RBFOX3: variants seen among roughly 807,000 people sequenced by gnomAD.
RBFOX3 encodes RNA binding protein fox-1 homolog 3.
A neutral mutation model predicts 48.7 loss-of-function variants in RBFOX3; 17 were observed. The observed-to-expected ratio is 0.35, with a 90% CI of 0.24 to 0.52. The LOEUF (loss-of-function observed/expected upper bound fraction) is 0.52. RBFOX3 is among the 20% of genes least tolerant of loss of function. The pLI is 0.94. For synonymous variants in RBFOX3, 212 were observed against 209.5 expected (o/e 1.01, Z -0.10); for missense variants, 382 against 497.5 (o/e 0.77, Z 2.21).
chr17:79,433,234 A>G (rs1291204103), intron 2 of RBFOX3, among the ~76,000 whole-genome samples: 1 of 152,082 alleles, frequency 6.6e-6, no homozygotes, highest in Non-Finnish European at 1.5e-5. Flanking sequence ...ACCTTGGGAG[A>G]GGTCCCGCCC....
At chr17:79,181,001 C>T (rs1413475819) in intron 4 of RBFOX3, among the ~76,000 whole-genome samples, 2 of 152,162 alleles carry the variant, frequency 1.3e-5, no homozygotes, top group Non-Finnish European at 2.9e-5. Context: ...GGTGTCTTCC[C>T]CGTGGGTCAT....
chr17:79,398,936 G>C (rs936116502), intron 2 of RBFOX3, among the ~76,000 whole-genome samples: 1 of 152,220 alleles, frequency 6.6e-6, no homozygotes, highest in African/African-American at 2.4e-5. Context: ...ATGTAATCAG[G>C]TAAAGATGAG....
intron 1 of RBFOX3, among the ~76,000 whole-genome samples, chr17:79,540,144 C>T (rs2089461116): frequency 6.6e-6 from 1 of 152,222 alleles, no homozygotes; most frequent in South Asian, 2.1e-4. Context: ...CACACGCATG[C>T]ACACACACTC....
In RBFOX3 at chr17:79,111,037, G is replaced by C. The variant is rs758544291; in HGVS notation, c.223-4249C>G. On this transcript the variant is annotated intron_variant, in intron 5 of 14. Transcript: ENST00000693108. This position sits in a 1 kb window ranked among gnomAD's most constrained non-coding sequence, Gnocchi z 4.2. ...GGCTGAGGGGAGAGGGCCTTGGCCAGACTGTGAAGCCTGTAGTTATAGATG... is the reference window on the plus strand; with the variant it reads ...GGCTGAGGGGAGAGGGCCTTGGCCACACTGTGAAGCCTGTAGTTATAGATG... Among the ~76,000 whole-genome samples, 1 of 152,262 alleles carries C rather than the reference G, an allele frequency of 6.6e-6. No individual in the cohort carries two copies. Among genetic ancestry groups the C allele is most frequent in the Non-Finnish European group, 1.5e-5 (1 of 68,050 alleles).
At chr17:79,397,492 CCA>C (rs1491390096) in intron 2 of RBFOX3, among the ~76,000 whole-genome samples, 41 of 146,870 alleles carry the variant, frequency 2.8e-4, no homozygotes, top group Non-Finnish European at 3.6e-4. Flanking sequence ...GACTCCATCC[CCA>C]AAAAAAAAAA....
At chr17:79,534,235 C>G (rs1314342974) in intron 1 of RBFOX3, among the ~76,000 whole-genome samples, 1 of 152,218 alleles carries the variant, frequency 6.6e-6, no homozygotes, top group African/African-American at 2.4e-5. Context: ...GAGACCTCAT[C>G]ACCCATAGCT....
intron 4 of RBFOX3, among the ~76,000 whole-genome samples, chr17:79,151,148 C>T (rs534899833): frequency 1.6e-4 from 25 of 152,044 alleles, no homozygotes; most frequent in Non-Finnish European, 2.8e-4. Flanking sequence ...TCGCGCTGCT[C>T]CCCCTACTCG....
chr17:79,194,943 G>C (rs1423785820), intron 4 of RBFOX3, among the ~76,000 whole-genome samples: 1 of 131,154 alleles, frequency 7.6e-6, no homozygotes, highest in African/African-American at 2.8e-5. Flanking sequence ...CAATGTGGGT[G>C]CTGAAGAATT....
chr17:79,409,137 C>G (rs556371689), intron 2 of RBFOX3, among the ~76,000 whole-genome samples: 3 of 152,338 alleles, frequency 2.0e-5, no homozygotes, highest in East Asian at 3.9e-4. Context: ...GCTGAGCACA[C>G]TGTTTTCAGG....
intron 4 of RBFOX3, among the ~76,000 whole-genome samples, chr17:79,197,351 A>G (rs1354005047): frequency 6.6e-6 from 1 of 151,104 alleles, no homozygotes; most frequent in African/African-American, 2.4e-5. Flanking sequence ...TCTCTGGGAC[A>G]AACCAGGAAA....
intron 3 of RBFOX3, among the ~76,000 whole-genome samples, chr17:79,247,801 C>A (rs925754719): frequency 6.6e-6 from 1 of 152,226 alleles, no homozygotes; most frequent in African/African-American, 2.4e-5. Context: ...GATCCATGTT[C>A]TGAGTCAAGC....
rs760465442 is a variant in RBFOX3 at position 79,205,975 on chromosome 17, T to A, written c.-34+29791A>T. Among the ~76,000 whole-genome samples the A allele has an allele frequency of 6.6e-6, 1 of 152,158 alleles. No individual in the cohort carries two copies. Among genetic ancestry groups the A allele is most frequent in the Non-Finnish European group, 1.5e-5 (1 of 68,036 alleles). ...TAGTCTGCAGGGACCTTGGCCGTTG[T>A]GACATTCCAGAGAATATGCTCATCC... On this transcript the variant is annotated intron_variant, in intron 4 of 14. Coordinates refer to ENST00000693108, the MANE Select transcript of RBFOX3 (RefSeq NM_001350451.2). This position sits in a 1 kb window ranked among gnomAD's most constrained non-coding sequence, Gnocchi z 4.5.
the RBFOX3 span, among the ~76,000 whole-genome samples, chr17:79,632,132 A>G: frequency 6.6e-6 from 1 of 152,374 alleles, no homozygotes; most frequent in South Asian, 2.1e-4. Flanking sequence ...AGACAACTCT[A>G]TTGGGAGAAC....
At chr17:79,382,288 C>T (rs562301575) in intron 2 of RBFOX3, among the ~76,000 whole-genome samples, 2 of 152,332 alleles carry the variant, frequency 1.3e-5, no homozygotes, top group East Asian at 3.9e-4. Context: ...CAGCAGCATC[C>T]ACTGCCCAGG....
At chr17:79,444,403 G>C (rs563473149) in intron 2 of RBFOX3, among the ~76,000 whole-genome samples, 2 of 149,982 alleles carry the variant, frequency 1.3e-5, no homozygotes, top group Non-Finnish European at 2.9e-5. Flanking sequence ...AAGACCAGCC[G>C]GGGGAAGAAA....
At chr17:79,239,978 T>G (rs1449041452) in intron 3 of RBFOX3, among the ~76,000 whole-genome samples, 2 of 152,214 alleles carry the variant, frequency 1.3e-5, no homozygotes, top group Non-Finnish European at 2.9e-5. Context: ...CTGTCTCTCC[T>G]TTAGGCCCCT....
chr17:79,558,184 A>AC (rs1312690847), intron 1 of RBFOX3, among the ~76,000 whole-genome samples: 169 of 152,104 alleles, frequency 1.1e-3, no homozygotes, highest in Admixed American at 2.6e-3. Flanking sequence ...GGAAAGACAT[A>AC]CCCTCAGAGG....
rs1430486372 is a variant in RBFOX3 at position 79,481,089 on chromosome 17, G to A, written c.-175+1365C>T. 6.6e-6 allele frequency among the ~76,000 whole-genome samples: 1 copy of A among 152,184 alleles called. No individual in the cohort carries two copies. The highest frequency in any genetic ancestry group is 1.5e-5 in the Non-Finnish European group (1 of 68,038). On this transcript the variant is annotated intron_variant, in intron 2 of 14. Transcript: ENST00000693108. The surrounding 1 kb of genome is among the most constrained non-coding windows in gnomAD (Gnocchi z 5.4). ...CACCAGAGAGAAGCAAGCAGTGCAC[G>A]CCTGGAGAAGCACCCAGACTGTGCA...
At chr17:79,537,527 G>A (rs2089016329) in intron 1 of RBFOX3, among the ~76,000 whole-genome samples, 1 of 152,168 alleles carries the variant, frequency 6.6e-6, no homozygotes, top group Non-Finnish European at 1.5e-5. Flanking sequence ...TGCCAAGGGG[G>A]GACAGTGTCC....
Sources: gnomAD v4.1 joint callset for allele counts (sites outside exome capture counted in the v4.1 genomes callset) on GRCh38, gnomAD v4.1.1 for gene constraint, Gnocchi (gnomAD v3.1) non-coding constraint, MANE v1.5 for transcripts, NCBI Gene and HGNC (gene_info 2026-07-23, HGNC 2026-07-21) for gene names.